MBNL2: variants seen among roughly 807,000 people sequenced by gnomAD.
The protein encoded by MBNL2 is muscleblind-like protein 2.
In MBNL2, 17 loss-of-function variants were observed where a neutral mutation model predicts 41.9. The ratio of observed to expected loss-of-function variants is 0.41; its 90% CI spans 0.28 to 0.61. MBNL2 has a LOEUF of 0.61. Ranked by LOEUF, MBNL2 falls within the 20% of genes least tolerant of loss-of-function variation. MBNL2 has a pLI of 0.35. For missense variants in MBNL2, 336 were observed against 505.6 expected, an observed-to-expected ratio of 0.66 and a Z score of 3.22; for synonymous variants, 195 against 182.9, an observed-to-expected ratio of 1.07 and a Z score of -0.53.
chr13:97,166,114 G>A, the MBNL2 span, among the ~76,000 whole-genome samples: 1 of 152,238 alleles, frequency 6.6e-6, no homozygotes, highest in Non-Finnish European at 1.5e-5. Context: ...AATTGTATGA[G>A]TCTCTTTGGA....
intron 1 of MBNL2, among the ~76,000 whole-genome samples, chr13:97,257,975 C>T (rs1010725380): frequency 6.6e-6 from 1 of 152,174 alleles, no homozygotes; most frequent in African/African-American, 2.4e-5. Flanking sequence ...CACAGGGTGA[C>T]CTTGCTTAGA....
chr13:97,180,742 A>T, the MBNL2 span, among the ~76,000 whole-genome samples: 1 of 21,242 alleles, frequency 4.7e-5, no homozygotes, highest in East Asian at 7.2e-4. Flanking sequence ...ACTCCATCTA[A>T]AAAAAAAAAA....
At chr13:97,272,961 A>C (rs977878458) in intron 1 of MBNL2, among the ~76,000 whole-genome samples, 10 of 152,200 alleles carry the variant, frequency 6.6e-5, no homozygotes. Flanking sequence ...TTCCAGGGGG[A>C]ATGAAAAAGG....
intron 1 of MBNL2, among the ~76,000 whole-genome samples, chr13:97,253,874 T>A (rs1361955694): frequency 1.3e-5 from 2 of 152,108 alleles, no homozygotes; most frequent in African/African-American, 4.8e-5. Flanking sequence ...TGAATTTTTT[T>A]TTTTAGGAAT....
chr13:97,198,557 C>T, the MBNL2 span, among the ~76,000 whole-genome samples: 1 of 151,026 alleles, frequency 6.6e-6, no homozygotes, highest in Non-Finnish European at 1.5e-5. Flanking sequence ...TATATTAATT[C>T]TGTTTCTCTG....
intron 2 of MBNL2, among the ~76,000 whole-genome samples, chr13:97,288,301 C>G (rs2055086861): frequency 1.3e-5 from 2 of 152,156 alleles, no homozygotes; most frequent in South Asian, 4.1e-4. Flanking sequence ...GTCATACACA[C>G]TGGAAGAGTT....
chr13:97,380,208 C>T (rs1216350462), intron 8 of MBNL2, among the ~76,000 whole-genome samples: 6 of 152,094 alleles, frequency 3.9e-5, no homozygotes, highest in Admixed American at 2.6e-4. Context: ...AAGAACCCAC[C>T]TTGAGCTGGG....
chr13:97,179,243 T>C, the MBNL2 span: 14,079 of 152,276 alleles, frequency 0.092, 708 homozygotes, highest in South Asian at 0.16. Flanking sequence ...TCACCTGCCA[T>C]TATTACTGAC....
chr13:97,214,273 T>C, the MBNL2 span, among the ~76,000 whole-genome samples: 1 of 152,208 alleles, frequency 6.6e-6, no homozygotes, highest in Non-Finnish European at 1.5e-5. Flanking sequence ...TCCTGGTTTT[T>C]TAAAACTTGG....
chr13:97,201,840 T>C, the MBNL2 span, among the ~76,000 whole-genome samples: 24 of 152,328 alleles, frequency 1.6e-4, no homozygotes, highest in Middle Eastern at 3.4e-3. Flanking sequence ...TGGAGAAATA[T>C]ATGGCCTAAG....
chr13:97,200,201 C>T, the MBNL2 span, among the ~76,000 whole-genome samples: 2 of 152,208 alleles, frequency 1.3e-5, no homozygotes, highest in Admixed American at 6.5e-5. Flanking sequence ...ACACCCACTC[C>T]AGGCCTTGGA....
intron 8 of MBNL2, among the ~76,000 whole-genome samples, chr13:97,365,442 C>G (rs1291006675): frequency 6.6e-6 from 1 of 152,144 alleles, no homozygotes; most frequent in East Asian, 1.9e-4. Flanking sequence ...TTTTGTTTCT[C>G]TTTATAGTTT....
chr13:97,288,039 G>A (rs2055019140), intron 2 of MBNL2, among the ~76,000 whole-genome samples: 1 of 150,454 alleles, frequency 6.6e-6, no homozygotes, highest in African/African-American at 2.4e-5. Flanking sequence ...CTCCCAAAGT[G>A]CTGGGATTAC....
intron 8 of MBNL2, among the ~76,000 whole-genome samples, chr13:97,377,016 A>C (rs569595595): frequency 4.5e-4 from 68 of 152,250 alleles, no homozygotes; most frequent in Middle Eastern, 3.4e-3. Context: ...GGATCGTGTA[A>C]GGGGCCTTGA....
chr13:97,168,470 A>T, the MBNL2 span, among the ~76,000 whole-genome samples: 1 of 152,118 alleles, frequency 6.6e-6, no homozygotes, highest in Non-Finnish European at 1.5e-5. Context: ...CCCCATCCTT[A>T]TCTCTCTTTT....
chr13:97,319,572 C>T (rs1435842375), intron 2 of MBNL2, among the ~76,000 whole-genome samples: 1 of 152,176 alleles, frequency 6.6e-6, no homozygotes, highest in East Asian at 1.9e-4. Context: ...CAATGCACAT[C>T]TATCTAGCTT....
chr13:97,221,812 A>C (rs188738391), upstream of MBNL2, among the ~76,000 whole-genome samples: 25 of 152,348 alleles, frequency 1.6e-4, no homozygotes, highest in Admixed American at 4.6e-4. Flanking sequence ...GCATGTTTTG[A>C]TTTTGAATAC....
At chr13:97,195,177 C>T in the MBNL2 span, among the ~76,000 whole-genome samples, 5 of 152,150 alleles carry the variant, frequency 3.3e-5, no homozygotes, top group Admixed American at 6.5e-5. Context: ...GGCGACCTCT[C>T]GATGGAACAT....
the MBNL2 span, among the ~76,000 whole-genome samples, chr13:97,192,867 A>G: frequency 6.6e-6 from 1 of 152,244 alleles, no homozygotes; most frequent in Admixed American, 6.5e-5. Context: ...CCAGTATCCA[A>G]TAGTTTCACC....
Sources: gnomAD v4.1 joint callset for allele counts (sites outside exome capture counted in the v4.1 genomes callset) on GRCh38, gnomAD v4.1.1 for gene constraint, MANE v1.5 for transcripts, NCBI Gene and HGNC (gene_info 2026-07-23, HGNC 2026-07-21) for gene names.